CYLD: variants seen among roughly 807,000 people sequenced by gnomAD.
CYLD encodes the protein CYLD lysine 63 deubiquitinase, also known as ubiquitin carboxyl-terminal hydrolase CYLD.
In CYLD, 26 loss-of-function variants were observed where a neutral mutation model predicts 104.5. The observed-to-expected ratio is 0.25, with a 90% CI of 0.18 to 0.35. The LOEUF (loss-of-function observed/expected upper bound fraction) is 0.35, where lower values mean the gene tolerates loss of function less well. CYLD is among the 10% of genes least tolerant of loss of function. The pLI is 1.00. For synonymous variants in CYLD, 385 were observed against 399.9 expected, an observed-to-expected ratio of 0.96 and a Z score of 0.45; for missense variants, 703 against 1,136.1, an observed-to-expected ratio of 0.62 and a Z score of 5.48.
chr16:50,742,288 G>A (rs1297470322), intron 1 of CYLD, 164 bp downstream of exon 1: 1 of 150,968 alleles, frequency 6.6e-6, no homozygotes, highest in Non-Finnish European at 1.5e-5. Context: ...CTGGCCTCAG[G>A]GCGTCCGGAG....
chr16:50,782,645 C>T (rs1159421286), intron 11 of CYLD, among the ~76,000 whole-genome samples, 179 bp downstream of exon 11: 1 of 152,010 alleles, frequency 6.6e-6, no homozygotes, highest in Non-Finnish European at 1.5e-5. Flanking sequence ...ATGACATACT[C>T]CTTTTAAGCT....
chr16:50,781,132 G>A, intron 9 of CYLD, 114 bp from the exon 10 acceptor site: 3 of 1,124,894 alleles, frequency 2.7e-6, no homozygotes, highest in African/African-American at 1.5e-5. Context: ...GTACAGGTGC[G>A]AAGAGGGAGT....
intron 5 of CYLD, among the ~76,000 whole-genome samples, chr16:50,765,079 C>T (rs1197535892): frequency 6.6e-6 from 1 of 152,128 alleles, no homozygotes; most frequent in Non-Finnish European, 1.5e-5. Flanking sequence ...ACTTGTCTTA[C>T]GAAATCAAAT....
Position 50,791,580 on chromosome 16 carries a change from G to T in CYLD, c.2131G>T (p.Asp711Tyr), listed in dbSNP as rs1298625546. The T allele has an allele frequency of 6.2e-7, 1 of 1,613,858 alleles. No homozygotes were observed. The highest frequency in any genetic ancestry group is 8.5e-7 in the Non-Finnish European group (1 of 1,179,840). ...TAGATCAGCAGGTCAAAAGGTACAA[G>T]ATTGTTACTTCTATCAAATTTTTAT... ...KIRSAGQKVQ[D>Y]CYFYQIFMEK... The change falls in exon 15 of 19, where the codon GAT becomes TAT. Residue 711 changes from aspartate to tyrosine, a missense_variant. By Grantham distance (160) the Asp-to-Tyr change is radical. Coordinates refer to ENST00000427738, the MANE Select transcript of CYLD (RefSeq NM_001378743.1).
At chr16:50,784,294 A>G in intron 11 of CYLD, 35 bp from the exon 12 acceptor site, 1 of 1,607,934 alleles carries the variant, frequency 6.2e-7, no homozygotes, top group Non-Finnish European at 8.5e-7. Flanking sequence ...AAATATGTTT[A>G]CAGCATGAAG....
At chr16:50,791,378 C>G (rs1971416540) in intron 14 of CYLD, among the ~76,000 whole-genome samples, 180 bp from the exon 15 acceptor site, 1 of 152,188 alleles carries the variant, frequency 6.6e-6, no homozygotes, top group Non-Finnish European at 1.5e-5. Flanking sequence ...GGTCTTGTGC[C>G]TGAGCACATT....
chr16:50,765,548 A>C (rs965507650), intron 5 of CYLD, among the ~76,000 whole-genome samples: 1 of 152,220 alleles, frequency 6.6e-6, no homozygotes, highest in African/African-American at 2.4e-5. Flanking sequence ...AGAGAGTTGC[A>C]TATCTCTCAC....
chr16:50,783,990 A>G (rs924672484), intron 11 of CYLD: 8 of 315,310 alleles, frequency 2.5e-5, no homozygotes, highest in Non-Finnish European at 3.7e-5. Context: ...GTCTGTTTGT[A>G]ATTTGACTGA....
intron 16 of CYLD, 138 bp from the exon 17 acceptor site, chr16:50,793,408 A>G: frequency 1.3e-6 from 1 of 763,216 alleles, no homozygotes; most frequent in South Asian, 1.4e-5. Flanking sequence ...GAGCTTAAGC[A>G]GATGGAAGAG....
chr16:50,787,196 G>GT (rs1430414113), intron 13 of CYLD: 5 of 471,674 alleles, frequency 1.1e-5, no homozygotes, highest in Middle Eastern at 5.9e-4. Context: ...TAAATAAAAA[G>GT]TCCTTTCCTT....
chr16:50,787,578 A>G (rs946595395), intron 13 of CYLD: 1 of 493,804 alleles, frequency 2.0e-6, no homozygotes, highest in East Asian at 3.5e-5. Context: ...ACTCACAACA[A>G]AATTGAAACA....
At chr16:50,745,068 A>G (rs1966059977) in intron 2 of CYLD, among the ~76,000 whole-genome samples, 1 of 152,348 alleles carries the variant, frequency 6.6e-6, no homozygotes, top group East Asian at 1.9e-4. Flanking sequence ...TTACCAAGAT[A>G]TTCATAATCA....
At chr16:50,770,268 G>A (rs1190684556) in intron 5 of CYLD, among the ~76,000 whole-genome samples, 2 of 151,928 alleles carry the variant, frequency 1.3e-5, no homozygotes, top group African/African-American at 2.4e-5. Context: ...GCAATATATG[G>A]GTAATCTGGT....
At chr16:50,757,144 T>C (rs1426417370) in intron 5 of CYLD, among the ~76,000 whole-genome samples, 3 of 152,138 alleles carry the variant, frequency 2.0e-5, no homozygotes, top group Non-Finnish European at 2.9e-5. Context: ...GTTTCTTTTG[T>C]TGTAAAAATG....
intron 5 of CYLD, among the ~76,000 whole-genome samples, chr16:50,773,590 A>G (rs1377985519): frequency 1.3e-5 from 2 of 152,178 alleles, no homozygotes; most frequent in Admixed American, 6.5e-5. Flanking sequence ...ATTATCTTCT[A>G]TATCTTTTAA....
chr16:50,760,907 C>T (rs963514247), intron 5 of CYLD, among the ~76,000 whole-genome samples: 1 of 152,092 alleles, frequency 6.6e-6, no homozygotes, highest in Admixed American at 6.6e-5. Flanking sequence ...TATATTCCTG[C>T]CAGTAGAATA....
chr16:50,793,117 C>T (rs76157292), intron 16 of CYLD, among the ~76,000 whole-genome samples: 14 of 92,846 alleles, frequency 1.5e-4, no homozygotes, highest in Middle Eastern at 5.6e-3. Flanking sequence ...GAGCCATATA[C>T]ACACACACAC....
chr16:50,753,930 T>C lies in CYLD; in HGVS notation c.808-389T>C, dbSNP rs577290579. ...GAACTTAGGGCTAATTAGAGGCAGG[T>C]TTCTGGGTGAAATAATATATTATTA... On this transcript the variant is annotated intron_variant, in intron 4 of 18. Transcript: ENST00000427738. 2.0e-5 allele frequency among the ~76,000 whole-genome samples: 3 copies of C among 152,282 alleles called. No homozygotes were observed. In the South Asian group the frequency reaches 6.2e-4, roughly 32 times the overall value.
intron 17 of CYLD, 105 bp downstream of exon 17, chr16:50,793,769 C>A (rs1277268931): frequency 3.6e-6 from 3 of 832,714 alleles, no homozygotes; most frequent in Admixed American, 1.8e-5. Context: ...TCATAATTAA[C>A]GGTTAAAAAT....
Sources: allele counts gnomAD v4.1 joint callset (sites outside exome capture counted in the v4.1 genomes callset), GRCh38; gene constraint gnomAD v4.1.1; transcripts MANE v1.5; gene names NCBI Gene and HGNC (gene_info 2026-07-23, HGNC 2026-07-21).